Variants in MEGF11 observed in about 807,000 individuals in gnomAD.
MEGF11 encodes the protein multiple EGF like domains 11.
Under a neutral mutation model 146.6 loss-of-function variants are expected in MEGF11, and 126 were observed. The ratio of observed to expected loss-of-function variants is 0.86; its 90% confidence interval spans 0.74 to 1.00. The LOEUF (loss-of-function observed/expected upper bound fraction) is 1.00. MEGF11 is among the 50% of genes least tolerant of loss of function. The pLI is 0.00. For synonymous variants in MEGF11, 532 were observed against 583.4 expected (o/e 0.91, Z 1.27); for missense variants, 1,509 against 1,521.2 (o/e 0.99, Z 0.13).
At position 66,187,615 on chromosome 15, in the gene MEGF11, G is replaced by A. The variant is rs554323249; in HGVS notation, c.-8-59204C>T. Among the ~76,000 whole-genome samples the A allele has an allele frequency of 1.7e-3, 266 of 152,302 alleles. 1 individual carries two copies. The highest frequency in any genetic ancestry group is 6.1e-3 in the African/African-American group (254 of 41,568). On this transcript the variant is annotated intron_variant, in intron 1 of 25. Transcript: ENST00000395614. ...TCTTGTGTACTCACACGCAAAGCAC[G>A]GTCTCTCCTACCTGGGACTCATTTC...
intron 1 of MEGF11, among the ~76,000 whole-genome samples, chr15:66,251,646 G>C (rs1220994858): frequency 6.6e-6 from 1 of 152,164 alleles, no homozygotes; most frequent in Non-Finnish European, 1.5e-5. Flanking sequence ...GGCCTAACTG[G>C]GAACACTTGC....
chr15:65,912,311 C>T (rs897192705), intron 20 of MEGF11, 111 bp from the exon 21 acceptor site: 6 of 567,764 alleles, frequency 1.1e-5, no homozygotes, highest in African/African-American at 1.9e-5. Context: ...CAAAGACAAA[C>T]AGGCAAGTAC....
chr15:66,244,014 T>A (rs903506335), intron 1 of MEGF11, among the ~76,000 whole-genome samples: 2 of 152,188 alleles, frequency 1.3e-5, no homozygotes, highest in African/African-American at 4.8e-5. Flanking sequence ...AGGCATCAAG[T>A]CGGGGTGTGA....
chr15:66,233,216 G>A (rs931126742), intron 1 of MEGF11, among the ~76,000 whole-genome samples: 3 of 152,110 alleles, frequency 2.0e-5, no homozygotes, highest in Admixed American at 6.5e-5. Flanking sequence ...TTCTCACAAC[G>A]CTACAAGAAA....
intron 5 of MEGF11, among the ~76,000 whole-genome samples, chr15:66,065,723 C>T (rs28493525): frequency 0.017 from 2,643 of 152,326 alleles, 44 homozygotes; most frequent in Middle Eastern, 0.048. Flanking sequence ...TGCTTAGAGG[C>T]TTGAAAATGA....
chr15:66,180,242 T>C (rs2090510099), intron 1 of MEGF11, among the ~76,000 whole-genome samples: 1 of 152,172 alleles, frequency 6.6e-6, no homozygotes, highest in African/African-American at 2.4e-5. Context: ...AGCTAGAACA[T>C]TCCCCAGGAC....
intron 4 of MEGF11, among the ~76,000 whole-genome samples, chr15:66,107,905 A>G (rs1461552939): frequency 1.3e-5 from 2 of 152,208 alleles, no homozygotes; most frequent in Admixed American, 1.3e-4. Flanking sequence ...TGAGAGAAAC[A>G]ATAAACACAT....
Position 66,216,939 on chromosome 15 carries a change from G to A in MEGF11, c.-9+36666C>T, listed in dbSNP as rs566986594. On this transcript the variant is annotated intron_variant, in intron 1 of 25. Transcript: ENST00000395614. ...AAGAGAAGGTGCTTTCAAAGGCTTG[G>A]CCCTCTTGCCTCAAGGCAGGGCAAT... 3.9e-5 allele frequency among the ~76,000 whole-genome samples: 6 copies of A among 152,328 alleles called. No individual in the cohort carries two copies. In the South Asian group the frequency reaches 1.2e-3, roughly 32 times the overall value.
At chr15:66,003,011 G>A (rs2082411955) in intron 5 of MEGF11, among the ~76,000 whole-genome samples, 1 of 147,752 alleles carries the variant, frequency 6.8e-6, no homozygotes, top group African/African-American at 2.5e-5. Flanking sequence ...TTTTTTTTGA[G>A]ATAGAGTCTA....
chr15:65,963,445 A>G (rs1428559291), intron 9 of MEGF11, among the ~76,000 whole-genome samples: 1 of 152,204 alleles, frequency 6.6e-6, no homozygotes, highest in Non-Finnish European at 1.5e-5. Flanking sequence ...CTTCTCCTCT[A>G]CATTTTCACA....
intron 1 of MEGF11, among the ~76,000 whole-genome samples, chr15:66,199,669 G>T (rs1038098511): frequency 1.3e-5 from 2 of 152,094 alleles, no homozygotes; most frequent in Admixed American, 6.5e-5. Flanking sequence ...TGTTCCTGTG[G>T]TCCCAGCTAC....
chr15:66,020,406 C>T (rs1352584018), intron 5 of MEGF11, among the ~76,000 whole-genome samples: 2 of 152,232 alleles, frequency 1.3e-5, no homozygotes, highest in Non-Finnish European at 2.9e-5. Flanking sequence ...TTGCTGACAA[C>T]ATCATCTGAG....
Position 66,053,715 on chromosome 15 carries a change from A to G in MEGF11, c.394+40687T>C, listed in dbSNP as rs392186. Among the ~76,000 whole-genome samples the G allele has an allele frequency of 3.4e-4, 11 of 32,138 alleles. 1 individual carries two copies. The South Asian group carries it at 0.012, about 35-fold the overall frequency. The allele number at this position is 32,138 out of a possible 152,430, so 21.1% of individuals were successfully genotyped here. A position where few individuals can be genotyped will look rare whatever the true frequency, so the allele number is the denominator to read the frequency against. On this transcript the variant is annotated intron_variant, in intron 5 of 25. Coordinates refer to ENST00000395614, the MANE Select transcript of MEGF11 (RefSeq NM_001385028.1). ...CTCAGCTCCCCCTCCCCTGGCACCA[A>G]TTTTTTTTTTTTTTTTTTTTTTTTT... is the stretch of plus-strand genomic sequence containing the variant.
At chr15:66,222,080 C>T (rs7183784) in intron 1 of MEGF11, among the ~76,000 whole-genome samples, 13,424 of 152,150 alleles carry the variant, frequency 0.088, 1,162 homozygotes, top group African/African-American at 0.22. Context: ...AGGGTAATTA[C>T]TAAAACATAA....
chr15:65,944,813 G>A (rs2080129910), intron 10 of MEGF11, among the ~76,000 whole-genome samples: 1 of 151,988 alleles, frequency 6.6e-6, no homozygotes, highest in Non-Finnish European at 1.5e-5. Flanking sequence ...CAAAAAAGGA[G>A]TTGGGGTGGG....
intron 24 of MEGF11, among the ~76,000 whole-genome samples, chr15:65,903,370 A>G (rs1202130257): frequency 6.6e-6 from 1 of 152,210 alleles, no homozygotes; most frequent in Non-Finnish European, 1.5e-5. Context: ...AGAAGGGGAA[A>G]TAGAAGGGTG....
intron 8 of MEGF11, chr15:65,966,942 G>C (rs1381313403): frequency 6.6e-6 from 1 of 151,896 alleles, no homozygotes; most frequent in South Asian, 2.1e-4. Context: ...TAAACCTGGA[G>C]GAATAGGGGT....
rs770875345 is a variant in MEGF11, at chr15:66,226,576, G to T, written c.-9+27029C>A. 1.4e-4 allele frequency among the ~76,000 whole-genome samples: 22 copies of T among 152,164 alleles called. 1 individual carries two copies. Among genetic ancestry groups the T allele is most frequent in the South Asian group, 8.3e-4 (4 of 4,812 alleles). Reference sequence around the variant, plus strand: ...TAATTTACTTAATAATGGCCCCAAAGCGCAACAGTAGTGATGCTGCTATAT... The same window carrying T: ...TAATTTACTTAATAATGGCCCCAAATCGCAACAGTAGTGATGCTGCTATAT... On this transcript the variant is annotated intron_variant, in intron 1 of 25. Coordinates refer to ENST00000395614, the MANE Select transcript of MEGF11 (RefSeq NM_001385028.1).
At chr15:66,035,287 C>T (rs1307261060) in intron 5 of MEGF11, among the ~76,000 whole-genome samples, 1 of 152,154 alleles carries the variant, frequency 6.6e-6, no homozygotes, top group East Asian at 1.9e-4. Context: ...ATGACTACTA[C>T]TACTGCTGCT....
Sources: allele counts gnomAD v4.1 joint callset (sites outside exome capture counted in the v4.1 genomes callset), GRCh38; gene constraint gnomAD v4.1.1; transcripts MANE v1.5; gene names NCBI Gene and HGNC (gene_info 2026-07-23, HGNC 2026-07-21).